The following PLEKHA4 variants were observed in gnomAD, a reference collection of about 807,000 sequenced individuals.
The protein encoded by PLEKHA4 is pleckstrin homology domain containing A4.
In PLEKHA4, 73 loss-of-function variants were observed where a neutral mutation model predicts 94.7. That is an observed-to-expected ratio of 0.77 (90% CI 0.64 to 0.94). The LOEUF (loss-of-function observed/expected upper bound fraction) is 0.94. Among genes scored for constraint, PLEKHA4 ranks in the 40% least tolerant of loss-of-function variants. The probability of loss-of-function intolerance (pLI) is 0.00; values close to 1 mark genes in which losing one functional copy is unlikely to be tolerated. For synonymous variants in PLEKHA4, 449 were observed against 437.1 expected, an observed-to-expected ratio of 1.03 and a Z score of -0.34; for missense variants, 1,049 against 1,054.1, an observed-to-expected ratio of 1.00 and a Z score of 0.07.
At chr19:48,842,247 C>A (rs1465567468) in intron 16 of PLEKHA4, among the ~76,000 whole-genome samples, 1 of 150,408 alleles carries the variant, frequency 6.6e-6, no homozygotes, top group East Asian at 1.9e-4. Flanking sequence ...TGGGTTCAAG[C>A]ACTTCTCTGC....
chr19:48,850,237 GAC>G (rs749318310), intron 13 of PLEKHA4, among the ~76,000 whole-genome samples: 7 of 136,484 alleles, frequency 5.1e-5, no homozygotes, highest in Non-Finnish European at 9.5e-5. Context: ...CAGGCGCCGT[GAC>G]TCACGCCTGT....
At chr19:48,851,682 C>T (rs889691480) in intron 13 of PLEKHA4, among the ~76,000 whole-genome samples, 1 of 151,744 alleles carries the variant, frequency 6.6e-6, no homozygotes, top group Non-Finnish European at 1.5e-5. Context: ...AGGTCTGGCG[C>T]AGTGGCTCAT....
At chr19:48,854,188 C>T (rs750467740) in intron 10 of PLEKHA4, 29 bp downstream of exon 10, 2 of 1,613,566 alleles carry the variant, frequency 1.2e-6, no homozygotes, top group Admixed American at 3.3e-5. Flanking sequence ...TCTGGGAACT[C>T]AGCAAGGATT....
intron 11 of PLEKHA4, 47 bp downstream of exon 11, chr19:48,853,960 G>A: frequency 6.2e-7 from 1 of 1,611,602 alleles, no homozygotes. Flanking sequence ...AGGGCTCAGG[G>A]CAGGCAGAGA....
Position 48,859,660 on chromosome 19 carries a change from T to C in PLEKHA4, c.501A>G (p.Arg167=). ...CGCCGGGGCCCTCCCCGGGCTGGGG[T>C]CGTGCAGGTGACCTGGGTTGCCCAC... is the stretch of plus-strand genomic sequence containing the variant. ...DDYGQPRSPA[R]PQPGEGPGGP... Residue 167 remains arginine (R), a synonymous_variant, in exon 7 of 20, where the codon CGA becomes CGG. Coordinates refer to ENST00000263265, the MANE Select transcript of PLEKHA4 (RefSeq NM_020904.3). 6.2e-7 allele frequency: 1 copy of C among 1,611,936 alleles called. No homozygotes were observed. The highest frequency in any genetic ancestry group is 2.2e-5 in the East Asian group (1 of 44,858).
rs776395427 is a variant in PLEKHA4, at chr19:48,847,944, A to G, written c.1522T>C (p.Ser508Pro). Residue 508 changes from serine (S) to proline (P), a missense_variant, in exon 14 of 20, where the codon TCC (serine) becomes CCC (proline). Coordinates refer to ENST00000263265, the MANE Select transcript of PLEKHA4 (RefSeq NM_020904.3). ...TCGCCCTGGAGCACGGGAGATGGGGAGTCAGGCTCAGTGTGTGGGGGCGGT... is the reference window on the plus strand; with the variant it reads ...TCGCCCTGGAGCACGGGAGATGGGGGGTCAGGCTCAGTGTGTGGGGGCGGT... ...QKPPPHTEPD[S>P]PSPVLQGEES... 2 of 1,605,060 alleles carry G rather than the reference A, an allele frequency of 1.2e-6. No homozygotes were observed. Among genetic ancestry groups the G allele is most frequent in the African/African-American group, 2.7e-5 (2 of 74,472 alleles).
At chr19:48,841,125 C>T (rs1438782475) in intron 17 of PLEKHA4, 24 bp downstream of exon 17, 2 of 1,597,766 alleles carry the variant, frequency 1.3e-6, no homozygotes, top group Non-Finnish European at 1.7e-6. Flanking sequence ...CCCCACCGCC[C>T]AGCCCCAGCC....
chr19:48,843,216 T>A (rs1268833335), intron 16 of PLEKHA4, among the ~76,000 whole-genome samples: 5 of 152,208 alleles, frequency 3.3e-5, no homozygotes, highest in African/African-American at 1.2e-4. Context: ...TTCACTCTTA[T>A]TGCCCAGGCT....
Position 48,867,754 on chromosome 19 carries a change from G to T in PLEKHA4, c.-6-128C>A. On this transcript the variant is annotated intron_variant, in intron 1 of 19. Coordinates refer to ENST00000263265, the MANE Select transcript of PLEKHA4 (RefSeq NM_020904.3). This position sits in a 1 kb window ranked among gnomAD's most constrained non-coding sequence, Gnocchi z 4.7. Reference sequence around the variant, plus strand: ...TGTTGTTTCGGGACTTGGGGGGCTGGGGGAGGCCATGGCCCGTGACCACAT... The same window carrying T: ...TGTTGTTTCGGGACTTGGGGGGCTGTGGGAGGCCATGGCCCGTGACCACAT... The T allele has an allele frequency of 1.1e-6, 1 of 885,930 alleles. No individual in the cohort carries two copies. The highest frequency in any genetic ancestry group is 2.3e-5 in the Admixed American group (1 of 44,044). The allele number at this position is 885,930 out of a possible 1,614,324, so 54.9% of individuals were successfully genotyped here. A position where few individuals can be genotyped will look rare whatever the true frequency, so the allele number is the denominator to read the frequency against.
chr19:48,853,595 A>C, intron 12 of PLEKHA4, 87 bp downstream of exon 12: 1 of 1,314,788 alleles, frequency 7.6e-7, no homozygotes, highest in Non-Finnish European at 9.9e-7. Flanking sequence ...CGATCTTCCT[A>C]TGAGCCCTCT....
In PLEKHA4 at chr19:48,867,603, A is replaced by C; in HGVS notation, c.18T>G (p.Pro6=). ...TGCTGGCCAGGCTCAGGCTGCTGCG[A>C]GGTCGGCTCCCCTCCATCAAGGGCT... MEGSR[P]RSSLSLASSA... is the part of the protein sequence containing the mutation. The change falls in exon 2 of 20, where the codon CCT becomes CCG. Residue 6 remains proline, a synonymous_variant. Coordinates refer to ENST00000263265, the MANE Select transcript of PLEKHA4 (RefSeq NM_020904.3). This position sits in a 1 kb window ranked among gnomAD's most constrained non-coding sequence, Gnocchi z 4.7. 6.3e-7 allele frequency: 1 copy of C among 1,598,254 alleles called. No individual in the cohort carries two copies. Among genetic ancestry groups the C allele is most frequent in the Non-Finnish European group, 8.5e-7 (1 of 1,174,488 alleles).
rs2036574295 is a variant in PLEKHA4, at chr19:48,860,009, ACTAT to A, written c.477-329_477-326del. The A allele has an allele frequency of 7.0e-5, 39 of 558,076 alleles. No homozygotes were observed. The South Asian group carries it at 8.4e-4, about 12-fold the overall frequency. The allele number at this position is 558,076 out of a possible 1,614,324, so 34.6% of individuals were successfully genotyped here. ...GTCTGACATTTTTTTAAAATCTGAT[ACTAT>A]CTTTTACCTGGCATTGTTTAGGTGG... is the stretch of plus-strand genomic sequence containing the variant. On this transcript the variant is annotated intron_variant, in intron 6 of 19. Transcript: ENST00000263265.
chr19:48,847,629 G>A (rs987080396), intron 14 of PLEKHA4, among the ~76,000 whole-genome samples: 2 of 152,132 alleles, frequency 1.3e-5, no homozygotes, highest in Admixed American at 6.6e-5. Context: ...CTACTTCGGA[G>A]GCTGAGGCAG....
chr19:48,854,585 T>C (rs2036332730), intron 9 of PLEKHA4, among the ~76,000 whole-genome samples: 1 of 151,636 alleles, frequency 6.6e-6, no homozygotes, highest in African/African-American at 2.4e-5. Flanking sequence ...AGCGATGGGG[T>C]TTTGCCATGT....
chr19:48,862,633 C>T (rs945490325), intron 3 of PLEKHA4, among the ~76,000 whole-genome samples: 14 of 152,244 alleles, frequency 9.2e-5, no homozygotes, highest in East Asian at 1.9e-4. Context: ...CCCAGCCTCC[C>T]GAGTAGCTGG....
chr19:48,859,445 C>T, intron 7 of PLEKHA4, 24 bp downstream of exon 7: 1 of 1,611,608 alleles, frequency 6.2e-7, no homozygotes, highest in East Asian at 2.2e-5. Flanking sequence ...AGGCCACGCC[C>T]ACAACCATGT....
Position 48,859,341 on chromosome 19 carries a change from TG to T in PLEKHA4, c.692+127del, listed in dbSNP as rs1331057928. ...CCCTCCAGTCTTCTCCCCGACAGGC[TG>T]TGACCCCCACGGGAGCCCCAGCAAG... On this transcript the variant is annotated intron_variant, in intron 7 of 19. Coordinates refer to ENST00000263265, the MANE Select transcript of PLEKHA4 (RefSeq NM_020904.3). 5 of 1,053,030 alleles carry T rather than the reference TG, an allele frequency of 4.7e-6. No individual in the cohort carries two copies. The East Asian group carries it at 1.3e-4, about 27-fold the overall frequency. The allele number at this position is 1,053,030 out of a possible 1,614,324, so 65.2% of individuals were successfully genotyped here.
At chr19:48,843,313 G>A (rs1182664096) in intron 16 of PLEKHA4, among the ~76,000 whole-genome samples, 5 of 151,956 alleles carry the variant, frequency 3.3e-5, no homozygotes, top group Non-Finnish European at 7.4e-5. Context: ...CGAGTAGCTG[G>A]GATTACAGGC....
At chr19:48,838,361 C>T in intron 18 of PLEKHA4, 1 of 301,130 alleles carries the variant, frequency 3.3e-6, no homozygotes, top group South Asian at 8.2e-5. Context: ...ACCCTATTCC[C>T]GATGATGTGC....
Sources: allele counts gnomAD v4.1 joint callset (sites outside exome capture counted in the v4.1 genomes callset), GRCh38; gene constraint gnomAD v4.1.1; non-coding constraint Gnocchi (gnomAD v3.1); transcripts MANE v1.5; gene names NCBI Gene and HGNC (gene_info 2026-07-23, HGNC 2026-07-21).